Variants in EIF4E3 observed in about 807,000 individuals in gnomAD.
The protein encoded by EIF4E3 is eukaryotic translation initiation factor 4E type 3.
In EIF4E3, 26 loss-of-function variants were observed where a neutral mutation model predicts 31.7. The ratio of observed to expected loss-of-function variants is 0.82; its 90% CI spans 0.60 to 1.14. The LOEUF is 1.14. Among genes scored for constraint, EIF4E3 ranks in the 50% most tolerant of loss-of-function variants. EIF4E3 has a pLI of 0.00. For missense variants in EIF4E3, 304 were observed against 270.9 expected, an observed-to-expected ratio of 1.12 and a Z score of -0.86; for synonymous variants, 128 against 107.7, an observed-to-expected ratio of 1.19 and a Z score of -1.17.
chr3:71,725,305 G>C lies in EIF4E3; in HGVS notation c.63C>G (p.Ala21=), dbSNP rs1277799889. The change falls in exon 1 of 7, where the codon GCC becomes GCG. Residue 21 remains alanine, a synonymous_variant. Coordinates refer to ENST00000425534, the MANE Select transcript of EIF4E3 (RefSeq NM_001134651.2). This position sits in a 1 kb window ranked among gnomAD's most constrained non-coding sequence, Gnocchi z 6.1. ...AGAREPPGSR[A]AAAAAAPEPP... is the part of the protein sequence containing the mutation. ...GCTCGGGGGCGGCGGCAGCGGCGGC[G>C]GCGCGGGACCCCGGCGGCTCCCGGG... 1 of 988,812 alleles carries C rather than the reference G, an allele frequency of 1.0e-6. No individual in the cohort carries two copies. Among genetic ancestry groups the C allele is most frequent in the South Asian group, 4.5e-5 (1 of 22,078 alleles). 61.3% of individuals were successfully genotyped at this position (988,812 alleles called of 1,614,324 possible).
At chr3:71,727,134 T>G (rs951942797), upstream of EIF4E3, among the ~76,000 whole-genome samples, 3 of 152,202 alleles carry the variant, frequency 2.0e-5, no homozygotes, top group African/African-American at 7.2e-5. Context: ...CTCTCCTACC[T>G]CTCTACACAG....
chr3:71,733,634 T>C (rs1388844207), intron 1 of EIF4E3, among the ~76,000 whole-genome samples: 1 of 152,134 alleles, frequency 6.6e-6, no homozygotes, highest in African/African-American at 2.4e-5. Context: ...GGTGGGGAGC[T>C]CACCTTTGAG....
Position 71,678,974 on chromosome 3 carries a change from T to A in EIF4E3, c.*5708A>T, listed in dbSNP as rs2048894513. The A allele has an allele frequency of 6.6e-6, 1 of 152,192 alleles. No individual in the cohort carries two copies. The highest frequency in any genetic ancestry group is 2.1e-4 in the South Asian group (1 of 4,828). The allele number at this position is 152,192 out of a possible 1,614,324, so 9.4% of individuals were successfully genotyped here. ...CAAAGTCATGGTGACTTGTTTTAAA[T>A]GAATACTGAAAAGACAGTGTTAAAA... On this transcript the variant is annotated 3_prime_UTR_variant, in exon 7 of 7. Transcript: ENST00000425534.
intron 1 of EIF4E3, among the ~76,000 whole-genome samples, chr3:71,743,645 C>A: frequency 6.6e-6 from 1 of 151,976 alleles, no homozygotes; most frequent in East Asian, 1.9e-4. Context: ...ATGCTAATGA[C>A]CAAGAACAGC....
intron 2 of EIF4E3, among the ~76,000 whole-genome samples, chr3:71,701,477 T>C (rs564985697): frequency 6.6e-6 from 1 of 152,226 alleles, no homozygotes; most frequent in African/African-American, 2.4e-5. Context: ...TTGTTTGGAG[T>C]AGGTCATAGA....
At chr3:71,723,570 C>A (rs913848474) in intron 1 of EIF4E3, among the ~76,000 whole-genome samples, 6 of 152,136 alleles carry the variant, frequency 3.9e-5, no homozygotes, top group Non-Finnish European at 5.9e-5. Context: ...ACATTTTAGA[C>A]CAGTCCTTAA....
rs148569373 is a variant in EIF4E3 at position 71,694,743 on chromosome 3, G to C, written c.406-802C>G. Among the ~76,000 whole-genome samples the C allele has an allele frequency of 1.6e-3, 237 of 152,300 alleles. 1 individual carries two copies. Among genetic ancestry groups the C allele is most frequent in the African/African-American group, 4.6e-3 (190 of 41,548 alleles). On this transcript the variant is annotated intron_variant, in intron 4 of 6. Coordinates refer to ENST00000425534, the MANE Select transcript of EIF4E3 (RefSeq NM_001134651.2). ...GAGGCTGCTTGCTATCTGCAAACCA[G>C]ATGGGTTAACAACCTCTCTGGTCAT...
chr3:71,661,579 G>C, the EIF4E3 span, among the ~76,000 whole-genome samples: 2 of 152,154 alleles, frequency 1.3e-5, no homozygotes, highest in Non-Finnish European at 2.9e-5. Flanking sequence ...CTCCTTCAGG[G>C]TAGCAAACCC....
rs1166312512 is a variant in EIF4E3 at position 71,731,559 on chromosome 3, A to C, written c.-290-2936T>G. Reference sequence around the variant, plus strand: ...AGGCCTCTCTTGTCCACCTTTGTCCACCCAGTGCCTAGTGCAGGGCCTGTC... The same window carrying C: ...AGGCCTCTCTTGTCCACCTTTGTCCCCCCAGTGCCTAGTGCAGGGCCTGTC... On this transcript the variant is annotated intron_variant, in intron 1 of 7. Coordinates refer to the EIF4E3 transcript ENST00000295612. Among the ~76,000 whole-genome samples, 3 of 152,202 alleles carry C rather than the reference A, an allele frequency of 2.0e-5. No homozygotes were observed. The East Asian group carries it at 5.8e-4, about 29-fold the overall frequency.
chr3:71,729,415 A>C (rs2044610), upstream of EIF4E3, among the ~76,000 whole-genome samples: 27,520 of 152,098 alleles, frequency 0.18, 2,555 homozygotes, highest in East Asian at 0.32. Context: ...ATAAAGGCAG[A>C]ACATGGGAGG....
the EIF4E3 span, among the ~76,000 whole-genome samples, chr3:71,661,791 C>G: frequency 3.3e-5 from 5 of 152,186 alleles, no homozygotes; most frequent in Non-Finnish European, 2.9e-5. Context: ...CTCTGAGCCT[C>G]TGTTTCCTCA....
intron 4 of EIF4E3, among the ~76,000 whole-genome samples, chr3:71,695,449 C>G (rs895133342): frequency 6.6e-6 from 1 of 152,108 alleles, no homozygotes; most frequent in African/African-American, 2.4e-5. Flanking sequence ...AGTTCAAAGT[C>G]TAGTAAATAA....
At chr3:71,691,414 C>T (rs1037185090) in intron 5 of EIF4E3, among the ~76,000 whole-genome samples, 2 of 152,210 alleles carry the variant, frequency 1.3e-5, no homozygotes, top group Non-Finnish European at 1.5e-5. Flanking sequence ...TTCTCCCCCT[C>T]TTCCTTCTTT....
At chr3:71,754,685 C>T (rs770932527), upstream of EIF4E3, 18 of 1,498,892 alleles carry the variant, frequency 1.2e-5, no homozygotes, top group Non-Finnish European at 1.5e-5. The surrounding 1 kb of genome is among the most constrained non-coding windows in gnomAD (Gnocchi z 5.8). Context: ...ACGACCGCCG[C>T]AAGATGCGGC....
chr3:71,691,074 A>T (rs1300661847), intron 5 of EIF4E3, among the ~76,000 whole-genome samples: 2 of 152,242 alleles, frequency 1.3e-5, no homozygotes, highest in Non-Finnish European at 1.5e-5. Flanking sequence ...AAATGAAAGG[A>T]ATACAAACTT....
chr3:71,661,022 C>A, the EIF4E3 span, among the ~76,000 whole-genome samples: 1 of 151,966 alleles, frequency 6.6e-6, no homozygotes, highest in South Asian at 2.1e-4. Flanking sequence ...GGGATGCGAG[C>A]GTTTCATCAA....
the EIF4E3 span, among the ~76,000 whole-genome samples, chr3:71,666,403 G>A: frequency 2.0e-5 from 3 of 152,202 alleles, no homozygotes; most frequent in South Asian, 2.1e-4. Flanking sequence ...GGAAGAAGTC[G>A]AATACCTGAA....
chr3:71,687,088 C>A (rs548714638), intron 6 of EIF4E3, among the ~76,000 whole-genome samples: 2 of 152,190 alleles, frequency 1.3e-5, no homozygotes, highest in African/African-American at 2.4e-5. Flanking sequence ...GCAACCTTCA[C>A]CTCCTGGGTT....
intron 4 of EIF4E3, among the ~76,000 whole-genome samples, chr3:71,695,007 C>T (rs1258019157): frequency 2.0e-5 from 3 of 152,184 alleles, no homozygotes; most frequent in East Asian, 1.9e-4. Flanking sequence ...AAAGCAGTCT[C>T]GCTGAATCTT....
Sources: allele counts gnomAD v4.1 joint callset (sites outside exome capture counted in the v4.1 genomes callset), GRCh38; gene constraint gnomAD v4.1.1; non-coding constraint Gnocchi (gnomAD v3.1); transcripts MANE v1.5; gene names NCBI Gene and HGNC (gene_info 2026-07-23, HGNC 2026-07-21).